The following CTDSPL variants were observed in gnomAD, a reference collection of about 807,000 sequenced individuals.
CTDSPL encodes CTD small phosphatase like.
In CTDSPL, 8 loss-of-function variants were observed where a neutral mutation model predicts 30.5. The ratio of observed to expected loss-of-function variants is 0.26; its 90% CI spans 0.15 to 0.47. CTDSPL has a LOEUF of 0.47. Among genes scored for constraint, CTDSPL ranks in the 20% least tolerant of loss-of-function variants. CTDSPL has a pLI of 0.99. For missense variants in CTDSPL, 248 were observed against 366.1 expected (o/e 0.68, Z 2.63); for synonymous variants, 110 against 137.9 (o/e 0.80, Z 1.42).
At chr3:37,881,157 A>G (rs953113182) in intron 1 of CTDSPL, among the ~76,000 whole-genome samples, 1 of 152,204 alleles carries the variant, frequency 6.6e-6, no homozygotes, top group African/African-American at 2.4e-5. Context: ...AGAAATAAAA[A>G]GAGGCTAGTT....
chr3:37,925,310 G>T (rs896390221), intron 1 of CTDSPL, among the ~76,000 whole-genome samples: 34 of 152,142 alleles, frequency 2.2e-4, no homozygotes, highest in African/African-American at 7.7e-4. Context: ...TTTGGCATCA[G>T]GTTTCCCCCT....
chr3:37,862,379 A>G lies in CTDSPL; in HGVS notation c.79+101A>G. The G allele has an allele frequency of 9.7e-7, 1 of 1,028,662 alleles. No homozygotes were observed. Among genetic ancestry groups the G allele is most frequent in the Non-Finnish European group, 1.3e-6 (1 of 782,382 alleles). The allele number at this position is 1,028,662 out of a possible 1,614,324, so 63.7% of individuals were successfully genotyped here. ...CGGCATGGGCCTGGGGGAGGGGTGC[A>G]CAGGGCCCGGAGGGTGCGTGGGTGT... is the stretch of plus-strand genomic sequence containing the variant. On this transcript the variant is annotated intron_variant, in intron 1 of 7. Coordinates refer to ENST00000273179, the MANE Select transcript of CTDSPL (RefSeq NM_001008392.2). The surrounding 1 kb of genome is among the most constrained non-coding windows in gnomAD (Gnocchi z 4.3).
chr3:37,915,996 C>T (rs970876604), intron 1 of CTDSPL, among the ~76,000 whole-genome samples: 1 of 152,152 alleles, frequency 6.6e-6, no homozygotes, highest in African/African-American at 2.4e-5. Context: ...ATTGAGATGG[C>T]CTCTGAGAAC....
rs1698974800 is a variant in CTDSPL, at chr3:37,941,276, T to A, written c.80-5781T>A. Among the ~76,000 whole-genome samples the A allele has an allele frequency of 1.3e-5, 2 of 150,218 alleles. 1 individual carries two copies. Among genetic ancestry groups the A allele is most frequent in the Non-Finnish European group, 3.0e-5 (2 of 67,022 alleles). On this transcript the variant is annotated intron_variant, in intron 1 of 7. Coordinates refer to ENST00000273179, the MANE Select transcript of CTDSPL (RefSeq NM_001008392.2). ...CTCCACCCGAGTTTGTGCACAGAAA[T>A]GGAGAAAGTTAAGTCTTTAACTTCT...
chr3:37,937,151 T>C (rs964355938), intron 1 of CTDSPL, among the ~76,000 whole-genome samples: 2 of 149,124 alleles, frequency 1.3e-5, no homozygotes, highest in Admixed American at 6.7e-5. Flanking sequence ...AGCCAAGGAG[T>C]AGGATGGGAG....
At chr3:37,909,330 A>G (rs1241331079) in intron 1 of CTDSPL, among the ~76,000 whole-genome samples, 3 of 152,240 alleles carry the variant, frequency 2.0e-5, no homozygotes, top group Non-Finnish European at 4.4e-5. Context: ...GGGATCATGA[A>G]CAAACACTGG....
chr3:37,916,697 T>A (rs899764450), intron 1 of CTDSPL, among the ~76,000 whole-genome samples: 1 of 152,148 alleles, frequency 6.6e-6, no homozygotes, highest in African/African-American at 2.4e-5. Context: ...GCCTTCAGAA[T>A]TGAGAGACAA....
Position 37,980,943 on chromosome 3 carries a change from C to G in CTDSPL, c.*76C>G. 1 of 1,520,374 alleles carries G rather than the reference C, an allele frequency of 6.6e-7. No individual in the cohort carries two copies. The allele number at this position is 1,520,374 out of a possible 1,614,324, so 94.2% of individuals were successfully genotyped here. The stretch of plus-strand genomic sequence containing the variant: ...AGGGGACCTGCCTGTCCTCAGCTCC[C>G]TGGGAGCTGAAAGTGAGGATACTCC... On this transcript the variant is annotated 3_prime_UTR_variant, in exon 8 of 8. Transcript: ENST00000273179.
chr3:37,975,486 A>G lies in CTDSPL; in HGVS notation c.520-223A>G, dbSNP rs1193219115. ...AAATAGATGCAAATGGAGTCAGGCT[A>G]TCTTTGGAGATGAAACTGACAATTC... is the stretch of plus-strand genomic sequence containing the variant. On this transcript the variant is annotated intron_variant, in intron 6 of 7. Coordinates refer to ENST00000273179, the MANE Select transcript of CTDSPL (RefSeq NM_001008392.2). This position sits in a 1 kb window ranked among gnomAD's most constrained non-coding sequence, Gnocchi z 4.9. Among the ~76,000 whole-genome samples, 1 of 152,242 alleles carries G rather than the reference A, an allele frequency of 6.6e-6. No individual in the cohort carries two copies. The highest frequency in any genetic ancestry group is 2.4e-5 in the African/African-American group (1 of 41,462).
chr3:37,946,709 G>C (rs775256864), intron 1 of CTDSPL, among the ~76,000 whole-genome samples: 1 of 152,192 alleles, frequency 6.6e-6, no homozygotes, highest in Admixed American at 6.5e-5. Context: ...GTAGTGCTTG[G>C]TGCAGGGTGG....
chr3:37,947,238 T>G (rs748621371), intron 2 of CTDSPL, 27 bp downstream of exon 2: 139 of 1,594,248 alleles, frequency 8.7e-5, no homozygotes, highest in Non-Finnish European at 1.1e-4. Flanking sequence ...AACTGTGCCC[T>G]CCATAAAACT....
chr3:37,925,111 C>T (rs944497125), intron 1 of CTDSPL, among the ~76,000 whole-genome samples: 2 of 152,188 alleles, frequency 1.3e-5, no homozygotes, highest in African/African-American at 4.8e-5. Flanking sequence ...TCCCTGTCCC[C>T]TCTGTCCATC....
chr3:37,875,768 TATTC>T (rs1403281285), intron 1 of CTDSPL, among the ~76,000 whole-genome samples: 1 of 152,210 alleles, frequency 6.6e-6, no homozygotes, highest in African/African-American at 2.4e-5. Context: ...TAGCTGAACA[TATTC>T]ATTTTTGTTT....
intron 1 of CTDSPL, among the ~76,000 whole-genome samples, chr3:37,934,014 T>C (rs1698886277): frequency 6.6e-6 from 1 of 152,214 alleles, no homozygotes; most frequent in African/African-American, 2.4e-5. Context: ...TATGTCCATA[T>C]GATGGAATAA....
chr3:37,927,371 TTA>T (rs1023633069), intron 1 of CTDSPL, among the ~76,000 whole-genome samples: 2 of 152,110 alleles, frequency 1.3e-5, no homozygotes, highest in African/African-American at 4.8e-5. Flanking sequence ...TAAATGAATT[TTA>T]TGTTTAGATT....
chr3:37,936,549 G>A (rs1001407949), intron 1 of CTDSPL, among the ~76,000 whole-genome samples: 7 of 151,412 alleles, frequency 4.6e-5, no homozygotes, highest in Non-Finnish European at 8.8e-5. Flanking sequence ...TCCAAACCAC[G>A]GCCCTGGGAT....
chr3:37,912,233 C>G lies in CTDSPL; in HGVS notation c.80-34824C>G, dbSNP rs535091903. Among the ~76,000 whole-genome samples the G allele has an allele frequency of 7.2e-5, 11 of 152,306 alleles. No individual in the cohort carries two copies. The East Asian group carries it at 2.1e-3, about 29-fold the overall frequency. On this transcript the variant is annotated intron_variant, in intron 1 of 7. Transcript: ENST00000273179. Reference sequence around the variant, plus strand: ...GTGAGTAAGAGTGGCATGGCTTCCCCCTAGTGGAGGGGAGGCCGGTTCTTT... The same window carrying G: ...GTGAGTAAGAGTGGCATGGCTTCCCGCTAGTGGAGGGGAGGCCGGTTCTTT...
chr3:37,894,178 C>G (rs910952814), intron 1 of CTDSPL, among the ~76,000 whole-genome samples: 3 of 152,116 alleles, frequency 2.0e-5, no homozygotes, highest in Non-Finnish European at 4.4e-5. Context: ...AACTCCTGGG[C>G]TCAAGTGATT....
intron 3 of CTDSPL, among the ~76,000 whole-genome samples, chr3:37,959,072 C>T (rs1017586608): frequency 6.6e-6 from 1 of 152,138 alleles, no homozygotes; most frequent in Non-Finnish European, 1.5e-5. Flanking sequence ...TACATAGGAG[C>T]AGAAATCTGG....
Sources: allele counts gnomAD v4.1 joint callset (sites outside exome capture counted in the v4.1 genomes callset), GRCh38; gene constraint gnomAD v4.1.1; non-coding constraint Gnocchi (gnomAD v3.1); transcripts MANE v1.5; gene names NCBI Gene and HGNC (gene_info 2026-07-23, HGNC 2026-07-21).